The following ATP5F1C variants were observed in gnomAD, a reference collection of about 807,000 sequenced individuals.
ATP5F1C encodes ATP synthase F(1) complex subunit gamma, mitochondrial.
Under a neutral mutation model 37.4 loss-of-function variants are expected in ATP5F1C, and 22 were observed. That is an observed-to-expected ratio of 0.59 (90% confidence interval 0.42 to 0.84). The LOEUF (loss-of-function observed/expected upper bound fraction) is 0.84, where lower values mean the gene tolerates loss of function less well. ATP5F1C is among the 40% of genes least tolerant of loss of function. ATP5F1C has a pLI of 0.00. For synonymous variants in ATP5F1C, 121 were observed against 128.0 expected (o/e 0.95, Z 0.37); for missense variants, 286 against 362.4 (o/e 0.79, Z 1.71).
intron 1 of ATP5F1C, among the ~76,000 whole-genome samples, chr10:7,791,082 A>C (rs1836155845): frequency 6.6e-6 from 1 of 152,176 alleles, no homozygotes; most frequent in African/African-American, 2.4e-5. Flanking sequence ...CGGGCGGATC[A>C]CAAGGTCAGG....
chr10:7,802,235 A>G, intron 6 of ATP5F1C, 35 bp from the exon 7 acceptor site: 3 of 1,570,818 alleles, frequency 1.9e-6, no homozygotes, highest in Non-Finnish European at 1.7e-6. Flanking sequence ...TTCCTTCCAT[A>G]TAACTTGAAA....
intron 1 of ATP5F1C, among the ~76,000 whole-genome samples, chr10:7,788,748 G>C (rs539982926): frequency 9.9e-5 from 15 of 152,086 alleles, no homozygotes; most frequent in African/African-American, 3.4e-4. Flanking sequence ...AGATTCGATC[G>C]AGTCAGAGAG....
chr10:7,803,782 C>A (rs1254209097), intron 8 of ATP5F1C, among the ~76,000 whole-genome samples: 1 of 152,172 alleles, frequency 6.6e-6, no homozygotes, highest in Non-Finnish European at 1.5e-5. Context: ...AAGAAACATA[C>A]AAGTAATTGT....
At chr10:7,796,097 C>T (rs1453381114) in intron 1 of ATP5F1C, 24 bp from the exon 2 acceptor site, 2 of 1,571,670 alleles carry the variant, frequency 1.3e-6, no homozygotes, top group African/African-American at 2.8e-5. Flanking sequence ...AAAACTGAAA[C>T]ATTTTTAAAA....
chr10:7,794,286 T>A (rs1203645987), intron 1 of ATP5F1C, among the ~76,000 whole-genome samples: 1 of 152,220 alleles, frequency 6.6e-6, no homozygotes, highest in Non-Finnish European at 1.5e-5. Flanking sequence ...TCTTTGGGAT[T>A]TTCTACATAG....
In ATP5F1C at chr10:7,788,219, C is replaced by T; in HGVS notation, c.12C>T (p.Arg4=). Residue 4 remains arginine, a synonymous_variant, in exon 1 of 10, where the codon CGC becomes CGT. Coordinates refer to ENST00000356708, the MANE Select transcript of ATP5F1C (RefSeq NM_001001973.3). The part of the protein sequence containing the change: MFS[R]AGVAGLSAWT... Reference sequence around the variant, plus strand: ...GGGCTGTGGCTACCATGTTCTCTCGCGCGGGTGTCGCTGGGCTGTCGGCCT... The same window carrying T: ...GGGCTGTGGCTACCATGTTCTCTCGTGCGGGTGTCGCTGGGCTGTCGGCCT... The T allele has an allele frequency of 1.9e-6, 3 of 1,613,510 alleles. No individual in the cohort carries two copies. The highest frequency in any genetic ancestry group is 2.5e-6 in the Non-Finnish European group (3 of 1,179,910).
At chr10:7,798,894 C>A in intron 3 of ATP5F1C, 96 bp from the exon 4 acceptor site, 4 of 1,190,986 alleles carry the variant, frequency 3.4e-6, no homozygotes, top group Non-Finnish European at 4.8e-6. Flanking sequence ...AATTTAAATG[C>A]GTATTTTGGA....
Position 7,799,764 on chromosome 10 carries a change from T to C in ATP5F1C, c.429-8T>C. The stretch of plus-strand genomic sequence containing the variant: ...AACTAGCTATGTGAGCTCTTGCTTT[T>C]CTTATAGGACTCATTCTGACCAGTT... On this transcript the variant is annotated splice_polypyrimidine_tract_variant and splice_region_variant and intron_variant, in intron 4 of 9. Transcript: ENST00000356708. 6.2e-7 allele frequency: 1 copy of C among 1,610,892 alleles called. No homozygotes were observed. The highest frequency in any genetic ancestry group is 8.5e-7 in the Non-Finnish European group (1 of 1,179,016).
chr10:7,807,091 G>C (rs2853759), intron 9 of ATP5F1C, 81 bp downstream of exon 9: 1 of 1,362,844 alleles, frequency 7.3e-7, no homozygotes, highest in Non-Finnish European at 1.0e-6. Context: ...AGTAATCCTA[G>C]AATTGTCCTC....
At position 7,788,193 on chromosome 10, in the gene ATP5F1C, A is replaced by C; in HGVS notation, c.-15A>C. The stretch of plus-strand genomic sequence containing the variant: ...GAGGCCTGCCTGACCGACCTTCAGC[A>C]GGGCTGTGGCTACCATGTTCTCTCG... On this transcript the variant is annotated 5_prime_UTR_variant, in exon 1 of 10. Transcript: ENST00000356708. 6.2e-7 allele frequency: 1 copy of C among 1,613,070 alleles called. No individual in the cohort carries two copies. Among genetic ancestry groups the C allele is most frequent in the South Asian group, 1.1e-5 (1 of 90,976 alleles).
At chr10:7,797,878 TGA>T (rs1433254746) in intron 3 of ATP5F1C, among the ~76,000 whole-genome samples, 15 of 152,342 alleles carry the variant, frequency 9.8e-5, no homozygotes, top group Admixed American at 5.2e-4. Flanking sequence ...GGAAAAGAGA[TGA>T]GATATGACAG....
intron 1 of ATP5F1C, 48 bp downstream of exon 1, chr10:7,788,311 G>T: frequency 6.2e-7 from 1 of 1,603,682 alleles, no homozygotes; most frequent in Non-Finnish European, 8.5e-7. Context: ...GGATGGAAGA[G>T]CTTGGGCACG....
chr10:7,795,710 CTG>C (rs1485982301), intron 1 of ATP5F1C, among the ~76,000 whole-genome samples: 3 of 152,176 alleles, frequency 2.0e-5, no homozygotes, highest in Admixed American at 2.0e-4. Flanking sequence ...ATCATTGACT[CTG>C]TTACTGGAAG....
intron 9 of ATP5F1C, among the ~76,000 whole-genome samples, 161 bp from the exon 10 acceptor site, chr10:7,807,498 G>A (rs1363470404): frequency 6.6e-6 from 1 of 152,164 alleles, no homozygotes; most frequent in Non-Finnish European, 1.5e-5. Flanking sequence ...CCCATGAAAG[G>A]TTCCCCAGAC....
intron 6 of ATP5F1C, among the ~76,000 whole-genome samples, chr10:7,800,877 T>G (rs1836351756): frequency 6.6e-6 from 1 of 152,368 alleles, no homozygotes; most frequent in South Asian, 2.1e-4. Flanking sequence ...TCCTGCTCTA[T>G]TCTGTCATTA....
intron 8 of ATP5F1C, 71 bp downstream of exon 8, chr10:7,802,925 T>G: frequency 7.3e-7 from 1 of 1,375,024 alleles, no homozygotes; most frequent in Non-Finnish European, 1.0e-6. Flanking sequence ...TTTGGATGCT[T>G]AAAAGTTTTT....
chr10:7,790,293 T>C (rs533663738), intron 1 of ATP5F1C, among the ~76,000 whole-genome samples: 3 of 152,360 alleles, frequency 2.0e-5, no homozygotes, highest in African/African-American at 7.2e-5. Context: ...GAGGCTACCA[T>C]GCTAACATAA....
intron 1 of ATP5F1C, among the ~76,000 whole-genome samples, chr10:7,791,604 C>T (rs1836166025): frequency 6.6e-6 from 1 of 152,116 alleles, no homozygotes; most frequent in Admixed American, 6.5e-5. Flanking sequence ...AGTGGTAATC[C>T]ACGGTCCATT....
rs547980433 is a variant in ATP5F1C at position 7,797,653 on chromosome 10, G to A, written c.223+475G>A. 2.1e-3 allele frequency among the ~76,000 whole-genome samples: 315 copies of A among 152,236 alleles called. 3 individuals are homozygous for A. Among genetic ancestry groups the A allele is most frequent in the South Asian group, 0.012 (58 of 4,822 alleles). Reference sequence around the variant, plus strand: ...GTGTGGCATTTTAGGACTGCAGCGGGGGCGGGTGAGGGGCAGTGCAGTGGA... The same window carrying A: ...GTGTGGCATTTTAGGACTGCAGCGGAGGCGGGTGAGGGGCAGTGCAGTGGA... On this transcript the variant is annotated intron_variant, in intron 3 of 9. Transcript: ENST00000356708.
Sources: gnomAD v4.1 joint callset for allele counts (sites outside exome capture counted in the v4.1 genomes callset) on GRCh38, gnomAD v4.1.1 for gene constraint, MANE v1.5 for transcripts, NCBI Gene and HGNC (gene_info 2026-07-23, HGNC 2026-07-21) for gene names.